NSUN3: variants seen among roughly 807,000 people sequenced by gnomAD.
NSUN3 encodes the protein tRNA (cytosine(34)-C(5))-methyltransferase, mitochondrial.
NSUN3 carries 24 observed loss-of-function variants against 36.8 expected under a neutral mutation model. The ratio of observed to expected loss-of-function variants is 0.65; its 90% confidence interval spans 0.47 to 0.92. The LOEUF is 0.92. Among genes scored for constraint, NSUN3 ranks in the 40% least tolerant of loss-of-function variants. The probability of loss-of-function intolerance (pLI) is 0.00; values close to 1 mark genes in which losing one functional copy is unlikely to be tolerated. For synonymous variants in NSUN3, 146 were observed against 145.2 expected (o/e 1.01, Z -0.04); for missense variants, 381 against 392.8 (o/e 0.97, Z 0.25).
intron 5 of NSUN3, among the ~76,000 whole-genome samples, chr3:94,113,411 T>C (rs2077426378): frequency 6.6e-6 from 1 of 152,166 alleles, no homozygotes; most frequent in Non-Finnish European, 1.5e-5. Context: ...GCCTCAGAAC[T>C]TAATTGAAAG....
chr3:94,129,742 CTTTT>C lies in NSUN3; in HGVS notation c.*3274_*3277del, dbSNP rs754390863. Among the ~76,000 whole-genome samples, 404 of 89,840 alleles carry C rather than the reference CTTTT, an allele frequency of 4.5e-3. No homozygotes were observed. Among genetic ancestry groups the C allele is most frequent in the African/African-American group, 0.016 (353 of 22,764 alleles). The allele number at this position is 89,840 out of a possible 152,430, so 58.9% of individuals were successfully genotyped here. A position where few individuals can be genotyped will look rare whatever the true frequency, so the allele number is the denominator to read the frequency against. ...TCTATAAATTGTTTATATATGTTGT[CTTTT>C]TTTTTTTTTTTTTTTTTTTTTGAGA... On this transcript the variant is annotated 3_prime_UTR_variant, in exon 6 of 6. Coordinates refer to ENST00000314622, the MANE Select transcript of NSUN3 (RefSeq NM_022072.5).
At chr3:94,077,740 T>G (rs1209824745) in intron 2 of NSUN3, among the ~76,000 whole-genome samples, 2 of 152,246 alleles carry the variant, frequency 1.3e-5, no homozygotes, top group East Asian at 3.8e-4. Flanking sequence ...GTGTTTATAG[T>G]ATTCTCTGAT....
intron 5 of NSUN3, among the ~76,000 whole-genome samples, chr3:94,109,865 A>G (rs936754317): frequency 3.3e-5 from 5 of 152,234 alleles, no homozygotes; most frequent in African/African-American, 1.2e-4. Flanking sequence ...TTATTACCCC[A>G]GAAAGATTCT....
chr3:94,126,220 TA>T lies in NSUN3; in HGVS notation c.755del (p.Lys252ArgfsTer24). The T allele has an allele frequency of 3.1e-6, 5 of 1,611,308 alleles. No individual in the cohort carries two copies. The South Asian group carries it at 5.5e-5, about 18-fold the overall frequency. On this transcript the variant is annotated frameshift_variant, in exon 6 of 6. Coordinates refer to ENST00000314622, the MANE Select transcript of NSUN3 (RefSeq NM_022072.5). LOFTEE classifies it high-confidence loss of function. ...TTCTGATTGCACACAGGTCTGCAAT[TA>T]AGGCCTTACGTCCTGGAGGGATACT... ...LQIELLRSAI[K>X]ALRPGGILVY...
chr3:94,098,082 G>T (rs1038644305), intron 5 of NSUN3, among the ~76,000 whole-genome samples: 1 of 152,074 alleles, frequency 6.6e-6, no homozygotes, highest in Non-Finnish European at 1.5e-5. Context: ...CAAAAAATCA[G>T]ACTAGAAATT....
chr3:94,090,307 T>C (rs7432837), intron 3 of NSUN3, among the ~76,000 whole-genome samples: 27,647 of 152,140 alleles, frequency 0.18, 3,105 homozygotes, highest in Non-Finnish European at 0.24. Context: ...ACACTTTATA[T>C]TTCATATTTT....
At chr3:94,080,210 C>G (rs2077261799) in intron 2 of NSUN3, among the ~76,000 whole-genome samples, 1 of 152,158 alleles carries the variant, frequency 6.6e-6, no homozygotes, top group African/African-American at 2.4e-5. Flanking sequence ...GAGGTCCACT[C>G]CAGACCTTGT....
chr3:94,067,975 G>T (rs755867995), intron 2 of NSUN3, among the ~76,000 whole-genome samples: 44 of 151,694 alleles, frequency 2.9e-4, no homozygotes, highest in Non-Finnish European at 5.7e-4. Context: ...TATCTTTCTG[G>T]GCAGGCTCCT....
chr3:94,116,128 C>A (rs2077438662), intron 5 of NSUN3, among the ~76,000 whole-genome samples: 1 of 151,950 alleles, frequency 6.6e-6, no homozygotes, highest in South Asian at 2.1e-4. Flanking sequence ...ATTTTCCTTT[C>A]TTACTATCCT....
rs1455455921 is a variant in NSUN3, at chr3:94,130,231, G to A, written c.*3741G>A. ...ATAGATATATGAAGTGGGGGTGGGG[G>A]CCAAGGAGCTATTACTGCTGTTTGG... On this transcript the variant is annotated 3_prime_UTR_variant, in exon 6 of 6. Transcript: ENST00000314622. Among the ~76,000 whole-genome samples the A allele has an allele frequency of 3.3e-5, 5 of 152,240 alleles. No homozygotes were observed. In the South Asian group the frequency reaches 1.0e-3, roughly 32 times the overall value.
At chr3:94,113,450 A>C (rs1472579443) in intron 5 of NSUN3, among the ~76,000 whole-genome samples, 1 of 152,212 alleles carries the variant, frequency 6.6e-6, no homozygotes, top group East Asian at 1.9e-4. Context: ...TAACACACTT[A>C]ACGTCAGGTA....
chr3:94,081,249 A>C (rs2077267610), intron 2 of NSUN3, among the ~76,000 whole-genome samples: 1 of 152,060 alleles, frequency 6.6e-6, no homozygotes, highest in Admixed American at 6.6e-5. Context: ...CTACTGTCCA[A>C]CCAGTCCCAA....
At chr3:94,073,754 G>C (rs2077235384) in intron 2 of NSUN3, among the ~76,000 whole-genome samples, 1 of 152,162 alleles carries the variant, frequency 6.6e-6, no homozygotes. Flanking sequence ...TAGGTTGCCT[G>C]TTCACTCTGA....
chr3:94,087,458 C>T lies in NSUN3; in HGVS notation c.466+3008C>T, dbSNP rs184157424. Among the ~76,000 whole-genome samples, 5 of 152,296 alleles carry T rather than the reference C, an allele frequency of 3.3e-5. No individual in the cohort carries two copies. In the East Asian group the frequency reaches 9.7e-4, roughly 29 times the overall value. On this transcript the variant is annotated intron_variant, in intron 3 of 5. Coordinates refer to ENST00000314622, the MANE Select transcript of NSUN3 (RefSeq NM_022072.5). ...TTTCTGTTGGTTCAGCTGCTCTCAC[C>T]TGTTACCACATTGATGGACTCACCA...
At chr3:94,110,666 G>T (rs991733482) in intron 5 of NSUN3, among the ~76,000 whole-genome samples, 1 of 151,606 alleles carries the variant, frequency 6.6e-6, no homozygotes, top group Non-Finnish European at 1.5e-5. Context: ...AAATGTTTTG[G>T]CATGGCACAG....
intron 5 of NSUN3, among the ~76,000 whole-genome samples, chr3:94,105,306 C>T (rs974978965): frequency 3.3e-5 from 5 of 152,120 alleles, no homozygotes; most frequent in Admixed American, 6.6e-5. Flanking sequence ...CCAGCCTATC[C>T]GTTAAGAGTC....
chr3:94,105,434 C>G (rs1262515121), intron 5 of NSUN3, among the ~76,000 whole-genome samples: 4 of 152,132 alleles, frequency 2.6e-5, no homozygotes, highest in Non-Finnish European at 5.9e-5. Context: ...CACTAAAATG[C>G]CTTTAGTAAA....
rs1170792936 is a variant in NSUN3 at position 94,094,069 on chromosome 3, T to C, written c.467-71T>C. Reference sequence around the variant, plus strand: ...GATGAGTTAATTTCTTTCTGAAATTTATTTGCTGAAAAGTAGAAATTTAAC... The same window carrying C: ...GATGAGTTAATTTCTTTCTGAAATTCATTTGCTGAAAAGTAGAAATTTAAC... On this transcript the variant is annotated intron_variant, in intron 3 of 5. Coordinates refer to ENST00000314622, the MANE Select transcript of NSUN3 (RefSeq NM_022072.5). 17 of 1,121,428 alleles carry C rather than the reference T, an allele frequency of 1.5e-5. No homozygotes were observed. In the East Asian group the frequency reaches 4.4e-4, roughly 29 times the overall value. The allele number at this position is 1,121,428 out of a possible 1,614,324, so 69.5% of individuals were successfully genotyped here.
intron 1 of NSUN3, chr3:94,063,828 T>C (rs963071176): frequency 6.6e-6 from 1 of 152,166 alleles, no homozygotes; most frequent in Non-Finnish European, 1.5e-5. Context: ...GTCCTTGATA[T>C]GTTTTCCAGT....
Sources: gnomAD v4.1 joint callset for allele counts (sites outside exome capture counted in the v4.1 genomes callset) on GRCh38, gnomAD v4.1.1 for gene constraint, MANE v1.5 for transcripts, NCBI Gene and HGNC (gene_info 2026-07-23, HGNC 2026-07-21) for gene names.